The following B3GALT1 variants were observed in gnomAD, a reference collection of about 807,000 sequenced individuals.
B3GALT1 encodes UDP-Gal:betaGlcNAc beta 1,3-galactosyltransferase, polypeptide 1.
In B3GALT1, 10 loss-of-function variants were observed where a neutral mutation model predicts 23.2. The observed-to-expected ratio is 0.43, with a 90% CI of 0.27 to 0.73. The LOEUF (loss-of-function observed/expected upper bound fraction) is 0.73. B3GALT1 is among the 30% of genes least tolerant of loss of function. The probability of loss-of-function intolerance (pLI) is 0.21; values close to 1 mark genes in which losing one functional copy is unlikely to be tolerated. For missense variants in B3GALT1, 299 were observed against 405.4 expected, an observed-to-expected ratio of 0.74 and a Z score of 2.25; for synonymous variants, 156 against 141.5, an observed-to-expected ratio of 1.10 and a Z score of -0.73.
At chr2:167,326,626 G>A (rs1696899978) in intron 1 of B3GALT1, among the ~76,000 whole-genome samples, 1 of 152,024 alleles carries the variant, frequency 6.6e-6, no homozygotes, top group African/African-American at 2.4e-5. Flanking sequence ...AAGAGATAGA[G>A]GTCCAGTTTC....
At chr2:167,431,848 A>AGAATAGAATAGAAT (rs1358043083) in intron 1 of B3GALT1, among the ~76,000 whole-genome samples, 1 of 152,220 alleles carries the variant, frequency 6.6e-6, no homozygotes, top group Non-Finnish European at 1.5e-5. Flanking sequence ...CCTCTATTCT[A>AGAATAGAATAGAAT]AGAAAAATAT....
intron 4 of B3GALT1, among the ~76,000 whole-genome samples, chr2:167,831,581 G>A (rs984966961): frequency 6.6e-5 from 10 of 151,964 alleles, no homozygotes; most frequent in African/African-American, 1.5e-4. Flanking sequence ...GTGGTGCAGC[G>A]GGAAGAAATG....
At chr2:167,619,393 G>GC in intron 2 of B3GALT1, among the ~76,000 whole-genome samples, 1 of 152,048 alleles carries the variant, frequency 6.6e-6, no homozygotes, top group South Asian at 2.1e-4. Flanking sequence ...TCTAATGGCT[G>GC]CCCCCCAACA....
At chr2:167,635,363 G>C (rs1685531827) in intron 2 of B3GALT1, among the ~76,000 whole-genome samples, 1 of 152,066 alleles carries the variant, frequency 6.6e-6, no homozygotes, top group South Asian at 2.1e-4. Context: ...AATCAGGCAA[G>C]AGAAGGAAAT....
chr2:167,710,330 A>G (rs1300633836), intron 3 of B3GALT1, among the ~76,000 whole-genome samples: 1 of 152,236 alleles, frequency 6.6e-6, no homozygotes, highest in Non-Finnish European at 1.5e-5. Flanking sequence ...TAGACCCAGT[A>G]GGGTGTCAAT....
At chr2:167,716,893 C>G (rs1264506217) in intron 3 of B3GALT1, among the ~76,000 whole-genome samples, 3 of 152,088 alleles carry the variant, frequency 2.0e-5, no homozygotes, top group African/African-American at 4.8e-5. Flanking sequence ...TACATTATCA[C>G]AGTCAATTGG....
Position 167,657,673 on chromosome 2 carries a change from G to A in B3GALT1, c.-352+10707G>A, listed in dbSNP as rs532370638. Among the ~76,000 whole-genome samples, 4 of 152,186 alleles carry A rather than the reference G, an allele frequency of 2.6e-5. No individual in the cohort carries two copies. In the South Asian group the frequency reaches 6.2e-4, roughly 24 times the overall value. On this transcript the variant is annotated intron_variant, in intron 3 of 4. Transcript: ENST00000392690. ...TTCTGTTTAGGTGTCAGTCTAGTGGGCTGATAGTGATCAGTACCTATCAAT... is the reference window on the plus strand; with the variant it reads ...TTCTGTTTAGGTGTCAGTCTAGTGGACTGATAGTGATCAGTACCTATCAAT...
intron 3 of B3GALT1, among the ~76,000 whole-genome samples, chr2:167,788,221 T>C (rs767319232): frequency 7.9e-6 from 1 of 126,032 alleles, no homozygotes; most frequent in Non-Finnish European, 1.6e-5. Context: ...CCAACCTTTT[T>C]GGCACCAGGG....
rs75721423 is a variant in B3GALT1 at position 167,677,494 on chromosome 2, T to A, written c.-352+30528T>A. On this transcript the variant is annotated intron_variant, in intron 3 of 4. Coordinates refer to ENST00000392690, the MANE Select transcript of B3GALT1 (RefSeq NM_020981.4). ...GCTAAAGCAATTCCACAGGACCCTC[T>A]TTCTCAGGAAACTGCTGACCTCAAG... Among the ~76,000 whole-genome samples the A allele has an allele frequency of 2.0e-5, 3 of 152,314 alleles. No homozygotes were observed. The East Asian group carries it at 5.8e-4, about 29-fold the overall frequency.
chr2:167,866,627 A>C (rs1559008221), intron 4 of B3GALT1, among the ~76,000 whole-genome samples: 1 of 152,202 alleles, frequency 6.6e-6, no homozygotes, highest in Non-Finnish European at 1.5e-5. Flanking sequence ...AAGGAGATCA[A>C]AATGTAAAGT....
chr2:167,676,516 TACACACACACAC>T (rs34764364), intron 3 of B3GALT1, among the ~76,000 whole-genome samples: 8,247 of 145,146 alleles, frequency 0.057, 493 homozygotes, highest in African/African-American at 0.14. Context: ...TGTATGTTTA[TACACACACACAC>T]ACACACACAC....
intron 2 of B3GALT1, among the ~76,000 whole-genome samples, chr2:167,511,509 G>C (rs888751497): frequency 2.0e-5 from 3 of 152,152 alleles, no homozygotes; most frequent in African/African-American, 7.2e-5. Flanking sequence ...GGAACTGTGA[G>C]CCAATTAATT....
intron 1 of B3GALT1, among the ~76,000 whole-genome samples, chr2:167,425,382 C>T (rs1167777929): frequency 6.6e-6 from 1 of 152,064 alleles, no homozygotes; most frequent in East Asian, 1.9e-4. Context: ...ACAAGAGATT[C>T]TGTACCATGG....
intron 2 of B3GALT1, among the ~76,000 whole-genome samples, chr2:167,544,287 G>A (rs532530071): frequency 1.3e-5 from 2 of 151,980 alleles, no homozygotes; most frequent in Non-Finnish European, 2.9e-5. Context: ...AAGGACAATG[G>A]ATTTTTTGTT....
At chr2:167,451,131 T>C (rs1699083979) in intron 1 of B3GALT1, among the ~76,000 whole-genome samples, 1 of 152,142 alleles carries the variant, frequency 6.6e-6, no homozygotes, top group Non-Finnish European at 1.5e-5. Context: ...TGAAGTGGAC[T>C]TCACCTTTCT....
At chr2:167,605,374 G>T (rs1209272834) in intron 2 of B3GALT1, among the ~76,000 whole-genome samples, 1 of 152,182 alleles carries the variant, frequency 6.6e-6, no homozygotes. Context: ...TCTGCATGGT[G>T]TTGGCTAAGT....
intron 3 of B3GALT1, among the ~76,000 whole-genome samples, chr2:167,805,715 G>A (rs559402145): frequency 8.3e-4 from 126 of 152,298 alleles, no homozygotes; most frequent in Non-Finnish European, 1.3e-3. Flanking sequence ...GTACCATGCT[G>A]TTTTGATTAC....
At chr2:167,527,689 G>T (rs1683245820) in intron 2 of B3GALT1, among the ~76,000 whole-genome samples, 2 of 151,978 alleles carry the variant, frequency 1.3e-5, no homozygotes, top group South Asian at 4.2e-4. Flanking sequence ...CGTGTGTACT[G>T]GTATACAATT....
chr2:167,556,312 C>T (rs1171301341), intron 2 of B3GALT1, among the ~76,000 whole-genome samples: 2 of 152,064 alleles, frequency 1.3e-5, no homozygotes, highest in African/African-American at 4.8e-5. Flanking sequence ...GGAATAGAAG[C>T]AGGTAAACAG....
Sources: gnomAD v4.1 joint callset for allele counts (sites outside exome capture counted in the v4.1 genomes callset) on GRCh38, gnomAD v4.1.1 for gene constraint, MANE v1.5 for transcripts, NCBI Gene and HGNC (gene_info 2026-07-23, HGNC 2026-07-21) for gene names.